ELN: variants seen among roughly 807,000 people sequenced by gnomAD.
The protein encoded by ELN is elastin.
ELN carries 65 observed loss-of-function variants against 105.8 expected under a neutral mutation model. The observed-to-expected ratio is 0.61, with a 90% CI of 0.50 to 0.75. The LOEUF (loss-of-function observed/expected upper bound fraction) is 0.75, where lower values mean the gene tolerates loss of function less well. Among genes scored for constraint, ELN ranks in the 30% least tolerant of loss-of-function variants. ELN has a pLI of 0.00. For missense variants in ELN, 882 were observed against 969.4 expected (o/e 0.91, Z 1.20); for synonymous variants, 368 against 389.2 (o/e 0.95, Z 0.64).
chr7:74,039,420 G>A (rs1475532157), intron 4 of ELN, among the ~76,000 whole-genome samples: 2 of 152,202 alleles, frequency 1.3e-5, no homozygotes, highest in African/African-American at 4.8e-5. Flanking sequence ...GCACCCCCAG[G>A]GAGGCCCCCA....
chr7:74,051,599 G>A (rs1412145136), intron 15 of ELN, 151 bp from the exon 16 acceptor site: 1 of 723,340 alleles, frequency 1.4e-6, no homozygotes, highest in Non-Finnish European at 2.3e-6. Flanking sequence ...GAGTGGGGTG[G>A]GGGCCTCCCC....
rs975773272 is a variant in ELN at position 74,069,145 on chromosome 7, G to A, written c.*445G>A. On this transcript the variant is annotated 3_prime_UTR_variant, in exon 33 of 33. Transcript: ENST00000252034. Reference sequence around the variant, plus strand: ...CTCCCCCTGCCCACCAGGACCCACCGTTGGCTGCCATCCAGTTGGTACCCA... The same window carrying A: ...CTCCCCCTGCCCACCAGGACCCACCATTGGCTGCCATCCAGTTGGTACCCA... The A allele has an allele frequency of 1.0e-5, 3 of 287,502 alleles. No homozygotes were observed. The highest frequency in any genetic ancestry group is 7.4e-5 in the South Asian group (1 of 13,594). The allele number at this position is 287,502 out of a possible 1,614,324, so 17.8% of individuals were successfully genotyped here. A position where few individuals can be genotyped will look rare whatever the true frequency, so the allele number is the denominator to read the frequency against.
rs1554671994 is a variant in ELN at position 74,046,169 on chromosome 7, C to T, written c.542-19C>T. The T allele has an allele frequency of 1.2e-6, 2 of 1,614,240 alleles. No homozygotes were observed. Among genetic ancestry groups the T allele is most frequent in the Non-Finnish European group, 1.7e-6 (2 of 1,180,036 alleles). On this transcript the variant is annotated intron_variant, in intron 10 of 32. Transcript: ENST00000252034. The stretch of plus-strand genomic sequence containing the variant: ...GTCCACAGTTCCAGGGCTGTAGTGA[C>T]AGCTTTTTATCATTACAGGTGTAGG...
intron 4 of ELN, among the ~76,000 whole-genome samples, chr7:74,038,908 G>A (rs117790554): frequency 2.0e-5 from 3 of 152,352 alleles, no homozygotes; most frequent in East Asian, 1.9e-4. Context: ...GCTCTGCAAG[G>A]CCAGGAGACC....
At chr7:74,037,900 G>T (rs1379912242) in intron 4 of ELN, 161 bp downstream of exon 4, 3 of 1,083,294 alleles carry the variant, frequency 2.8e-6, no homozygotes, top group South Asian at 1.4e-5. Flanking sequence ...TCCCAAGGAT[G>T]AGTAGGCCGG....
chr7:74,060,262 C>T (rs1796347985), intron 24 of ELN, 78 bp downstream of exon 24: 61 of 1,613,518 alleles, frequency 3.8e-5, no homozygotes, highest in Non-Finnish European at 5.0e-5. Flanking sequence ...GGGAGGAGGC[C>T]GCTGCTTGGA....
chr7:74,068,529 C>A lies in ELN; in HGVS notation c.2132-128C>A, dbSNP rs1489286115. On this transcript the variant is annotated intron_variant, in intron 32 of 32. Coordinates refer to ENST00000252034, the MANE Select transcript of ELN (RefSeq NM_000501.4). ...TGGCATGGATCAGGTCTGAGTTTGG[C>A]CTGGGGCCATGACTTGGCTTCTCTT... 1.8e-5 allele frequency: 21 copies of A among 1,140,832 alleles called. No homozygotes were observed. The African/African-American group carries it at 2.9e-4, about 16-fold the overall frequency. The allele number at this position is 1,140,832 out of a possible 1,614,324, so 70.7% of individuals were successfully genotyped here. A position where few individuals can be genotyped will look rare whatever the true frequency, so the allele number is the denominator to read the frequency against.
At chr7:74,037,810 G>T in intron 4 of ELN, 71 bp downstream of exon 4, 1 of 1,578,890 alleles carries the variant, frequency 6.3e-7, no homozygotes, top group Non-Finnish European at 8.6e-7. Context: ...ACCCAGCTGG[G>T]AATGGGACAA....
chr7:74,043,745 C>A, intron 8 of ELN, 134 bp from the exon 9 acceptor site: 1 of 1,166,754 alleles, frequency 8.6e-7, no homozygotes, highest in Non-Finnish European at 1.3e-6. Context: ...CACCCCACGT[C>A]TGTCCCTGGC....
chr7:74,063,774 G>C lies in ELN; in HGVS notation c.1993+79G>C. 6.3e-7 allele frequency: 1 copy of C among 1,596,038 alleles called. No individual in the cohort carries two copies. The highest frequency in any genetic ancestry group is 8.6e-7 in the Non-Finnish European group (1 of 1,164,600). ...AGATGGAGACAGAGACAGAGACAGA[G>C]ACTTTCGTTCCCACCCCTGGCACGT... On this transcript the variant is annotated intron_variant, in intron 29 of 32. Transcript: ENST00000252034. This position sits in a 1 kb window ranked among gnomAD's most constrained non-coding sequence, Gnocchi z 4.1.
At position 74,060,135 on chromosome 7, in the gene ELN, C is replaced by T. The variant is rs1796303417; in HGVS notation, c.1577-5C>T. On this transcript the variant is annotated splice_polypyrimidine_tract_variant and splice_region_variant and intron_variant, in intron 23 of 32. Transcript: ENST00000252034. ...CTCTAATCCCCCTCTCTCTCCCTCC[C>T]TCAGCTGCAGCAAAATCCGCTGCCA... 1 of 1,614,190 alleles carries T rather than the reference C, an allele frequency of 6.2e-7. No individual in the cohort carries two copies.
Position 74,042,966 on chromosome 7 carries a change from C to G in ELN, c.326-18C>G. 1 of 1,614,206 alleles carries G rather than the reference C, an allele frequency of 6.2e-7. No individual in the cohort carries two copies. The highest frequency in any genetic ancestry group is 8.5e-7 in the Non-Finnish European group (1 of 1,180,042). On this transcript the variant is annotated intron_variant, in intron 6 of 32. Coordinates refer to ENST00000252034, the MANE Select transcript of ELN (RefSeq NM_000501.4). ...CCACTGTTCCTTACGCAATGCCTCACCTGTCCTGGCTCTGCAGGCGCTGGG... is the reference window on the plus strand; with the variant it reads ...CCACTGTTCCTTACGCAATGCCTCAGCTGTCCTGGCTCTGCAGGCGCTGGG...
At chr7:74,057,943 C>T (rs1795684996) in intron 22 of ELN, among the ~76,000 whole-genome samples, 1 of 152,136 alleles carries the variant, frequency 6.6e-6, no homozygotes, top group South Asian at 2.1e-4. Flanking sequence ...CTGGTGCCTC[C>T]CAGGCTATTG....
chr7:74,055,936 G>A (rs782815564), intron 19 of ELN, among the ~76,000 whole-genome samples: 3 of 151,458 alleles, frequency 2.0e-5, no homozygotes, highest in Non-Finnish European at 4.4e-5. Flanking sequence ...ACAGGTGCCC[G>A]CCACCACGCC....
Position 74,066,003 on chromosome 7 carries a change from G to A in ELN, c.2086+6G>A. 1 of 1,614,098 alleles carries A rather than the reference G, an allele frequency of 6.2e-7. No individual in the cohort carries two copies. Among genetic ancestry groups the A allele is most frequent in the East Asian group, 2.2e-5 (1 of 44,882 alleles). On this transcript the variant is annotated splice_donor_region_variant and intron_variant, in intron 31 of 32. Transcript: ENST00000252034. ...CGGGCAGTTCCCACTTGGAGGTAGG[G>A]GTGGCCAGCTCTGCTACGTAGTCCT...
intron 4 of ELN, among the ~76,000 whole-genome samples, chr7:74,040,271 G>C (rs2131351049): frequency 6.6e-6 from 1 of 152,336 alleles, no homozygotes; most frequent in East Asian, 1.9e-4. Context: ...TGCCTGGCTT[G>C]AGAGAAGCGA....
chr7:74,060,587 C>T lies in ELN; in HGVS notation c.1747+86C>T, dbSNP rs1202914944. ...CCTCTCAGCACCTCCCCAGCACCCCCTCATCACCCAGGGGTGCATAGTAAA... is the reference window on the plus strand; with the variant it reads ...CCTCTCAGCACCTCCCCAGCACCCCTTCATCACCCAGGGGTGCATAGTAAA... On this transcript the variant is annotated intron_variant, in intron 25 of 32. Coordinates refer to ENST00000252034, the MANE Select transcript of ELN (RefSeq NM_000501.4). 8.1e-6 allele frequency: 13 copies of T among 1,602,304 alleles called. No individual in the cohort carries two copies. In the African/African-American group the frequency reaches 1.5e-4, roughly 18 times the overall value.
chr7:74,065,152 G>A (rs782365405), intron 29 of ELN, among the ~76,000 whole-genome samples: 7 of 152,116 alleles, frequency 4.6e-5, no homozygotes, highest in Admixed American at 2.0e-4. Flanking sequence ...GGGAGGCTGA[G>A]GCAGGAAGAT....
chr7:74,033,053 ACTTGCAGCAACCTTGCAAC>A (rs1402325601), intron 1 of ELN, among the ~76,000 whole-genome samples: 8 of 152,346 alleles, frequency 5.3e-5, no homozygotes, highest in East Asian at 1.9e-4. Flanking sequence ...CCCTTTTACA[ACTTGCAGCAACCTTGCAAC>A]CTTGCAGCAA....
Sources: gnomAD v4.1 joint callset for allele counts (sites outside exome capture counted in the v4.1 genomes callset) on GRCh38, gnomAD v4.1.1 for gene constraint, Gnocchi (gnomAD v3.1) non-coding constraint, MANE v1.5 for transcripts, NCBI Gene and HGNC (gene_info 2026-07-23, HGNC 2026-07-21) for gene names.